Variants in CNTN5 observed in about 807,000 individuals in gnomAD.
CNTN5 encodes the protein contactin 5.
A neutral mutation model predicts 129.1 loss-of-function variants in CNTN5; 77 were observed. The ratio of observed to expected loss-of-function variants is 0.60; its 90% CI spans 0.50 to 0.72. The LOEUF is 0.72. CNTN5 is among the 30% of genes least tolerant of loss of function. CNTN5 has a pLI of 0.00. For synonymous variants in CNTN5, 509 were observed against 465.6 expected, an observed-to-expected ratio of 1.09 and a Z score of -1.20; for missense variants, 1,478 against 1,328.8, an observed-to-expected ratio of 1.11 and a Z score of -1.75.
At chr11:99,633,683 C>A (rs1319248236) in intron 3 of CNTN5, among the ~76,000 whole-genome samples, 1 of 152,130 alleles carries the variant, frequency 6.6e-6, no homozygotes, top group Non-Finnish European at 1.5e-5. Context: ...ACCCTCGGTG[C>A]TATAAAGCCA....
intron 21 of CNTN5, among the ~76,000 whole-genome samples, chr11:100,329,310 TA>T (rs1211479288): frequency 2.0e-5 from 3 of 152,176 alleles, no homozygotes; most frequent in Admixed American, 2.0e-4. Context: ...CAGAAATGGC[TA>T]TCCCTGCCCC....
At chr11:100,140,025 G>GGT (rs1458482004) in intron 13 of CNTN5, among the ~76,000 whole-genome samples, 1 of 152,082 alleles carries the variant, frequency 6.6e-6, no homozygotes, top group Non-Finnish European at 1.5e-5. Flanking sequence ...AGCCCAGCAG[G>GGT]GTGTCATGAT....
chr11:99,110,014 A>G (rs147111701), intron 1 of CNTN5, among the ~76,000 whole-genome samples: 91 of 152,286 alleles, frequency 6.0e-4, no homozygotes, highest in African/African-American at 2.1e-3. Flanking sequence ...CTCAGAATTC[A>G]TAGACTAATG....
chr11:99,548,922 A>G (rs1948387853), intron 2 of CNTN5, among the ~76,000 whole-genome samples: 1 of 152,070 alleles, frequency 6.6e-6, no homozygotes, highest in South Asian at 2.1e-4. Flanking sequence ...ATCTTTTCAC[A>G]TGTTGCCTCA....
intron 1 of CNTN5, among the ~76,000 whole-genome samples, chr11:99,165,634 C>G (rs1317122887): frequency 6.6e-6 from 1 of 152,106 alleles, no homozygotes; most frequent in African/African-American, 2.4e-5. Flanking sequence ...AGAGAGAGGA[C>G]AGATTTGAGA....
intron 13 of CNTN5, among the ~76,000 whole-genome samples, chr11:100,189,741 T>G (rs1948415890): frequency 6.6e-6 from 1 of 152,106 alleles, no homozygotes; most frequent in Middle Eastern, 3.2e-3. Flanking sequence ...TCATTGACAA[T>G]CTTGAATGCA....
At chr11:99,629,684 C>T (rs1052276983) in intron 3 of CNTN5, among the ~76,000 whole-genome samples, 2 of 127,534 alleles carry the variant, frequency 1.6e-5, no homozygotes, top group Admixed American at 8.9e-5. Flanking sequence ...TCTTACTACT[C>T]GATGTTTATG....
At chr11:99,449,515 A>T (rs1565591514) in intron 2 of CNTN5, among the ~76,000 whole-genome samples, 2 of 152,204 alleles carry the variant, frequency 1.3e-5, no homozygotes, top group Non-Finnish European at 2.9e-5. Context: ...GTGTGCCATT[A>T]CTCATTTCAG....
chr11:99,190,236 C>G (rs1246400995), intron 1 of CNTN5, among the ~76,000 whole-genome samples: 1 of 151,518 alleles, frequency 6.6e-6, no homozygotes, highest in African/African-American at 2.4e-5. Flanking sequence ...GGTTTCTATT[C>G]TGTTCTATTG....
At position 99,544,999 on chromosome 11, in the gene CNTN5, C is replaced by G. The variant is rs188818218; in HGVS notation, c.-70-11146C>G. 2.3e-3 allele frequency among the ~76,000 whole-genome samples: 344 copies of G among 152,330 alleles called. 6 individuals carry two copies. The highest frequency in any genetic ancestry group is 0.02 in the Admixed American group (304 of 15,294). ...CCAACAACATAGAAGACCACTCTTA[C>G]AGATTCTTGTCACATTGTGAGTAAA... On this transcript the variant is annotated intron_variant, in intron 2 of 24. Coordinates refer to ENST00000524871, the MANE Select transcript of CNTN5 (RefSeq NM_014361.4).
chr11:99,409,327 G>A (rs543018753), intron 2 of CNTN5, among the ~76,000 whole-genome samples: 83 of 152,190 alleles, frequency 5.5e-4, no homozygotes, highest in African/African-American at 1.9e-3. Flanking sequence ...AATTAACCAG[G>A]CATGGTGGCA....
At chr11:100,206,201 G>A (rs1948908065) in intron 15 of CNTN5, among the ~76,000 whole-genome samples, 1 of 152,072 alleles carries the variant, frequency 6.6e-6, no homozygotes, top group Non-Finnish European at 1.5e-5. Flanking sequence ...TCTTAAAACA[G>A]AGTAAGTTTT....
rs182576380 is a variant in CNTN5 at position 99,855,230 on chromosome 11, G to T, written c.577+9968G>T. Among the ~76,000 whole-genome samples the T allele has an allele frequency of 9.5e-4, 145 of 152,234 alleles. 3 individuals carry two copies. The highest frequency in any genetic ancestry group is 9.3e-3 in the Admixed American group (142 of 15,288). ...AGGCTAAGGTGGGATGATCTGTTGA[G>T]CCCGGGAGTACTAGGTGAGCTATGA... On this transcript the variant is annotated intron_variant, in intron 6 of 24. Transcript: ENST00000524871.
At chr11:100,131,752 T>A (rs1946385645) in intron 13 of CNTN5, among the ~76,000 whole-genome samples, 1 of 152,094 alleles carries the variant, frequency 6.6e-6, no homozygotes, top group South Asian at 2.1e-4. Flanking sequence ...AATAATGTGC[T>A]TACCAGTGAG....
chr11:99,959,066 C>T (rs770339561), intron 8 of CNTN5, among the ~76,000 whole-genome samples: 4 of 152,090 alleles, frequency 2.6e-5, no homozygotes, highest in Admixed American at 6.6e-5. Flanking sequence ...AATAATCATT[C>T]GCTGATATTT....
chr11:99,583,502 A>G (rs1024093920), intron 3 of CNTN5, among the ~76,000 whole-genome samples: 1 of 152,066 alleles, frequency 6.6e-6, no homozygotes, highest in Admixed American at 6.5e-5. Context: ...CGCTTTGTTT[A>G]CCTACTCAAG....
At chr11:99,623,264 G>A (rs931257261) in intron 3 of CNTN5, among the ~76,000 whole-genome samples, 2 of 152,096 alleles carry the variant, frequency 1.3e-5, no homozygotes, top group Non-Finnish European at 2.9e-5. Context: ...TATGTGGGGA[G>A]TTATTAACCC....
intron 13 of CNTN5, among the ~76,000 whole-genome samples, chr11:100,187,822 A>C (rs1471322288): frequency 6.6e-6 from 1 of 152,200 alleles, no homozygotes; most frequent in African/African-American, 2.4e-5. Flanking sequence ...GTAAGACCTC[A>C]AAGTATAAGA....
intron 3 of CNTN5, among the ~76,000 whole-genome samples, chr11:99,698,669 A>G (rs1232708456): frequency 6.6e-6 from 1 of 151,574 alleles, no homozygotes; most frequent in Non-Finnish European, 1.5e-5. Flanking sequence ...TTGCCTGACA[A>G]ACCAATACTC....
Sources: gnomAD v4.1 joint callset for allele counts (sites outside exome capture counted in the v4.1 genomes callset) on GRCh38, gnomAD v4.1.1 for gene constraint, MANE v1.5 for transcripts, NCBI Gene and HGNC (gene_info 2026-07-23, HGNC 2026-07-21) for gene names.